QTMAN: variants seen among roughly 807,000 people sequenced by gnomAD.
The protein encoded by QTMAN is queuosine-tRNA mannosyltransferase.
At chr2:144,253,124 T>C in the QTMAN span, among the ~76,000 whole-genome samples, 2 of 152,162 alleles carry the variant, frequency 1.3e-5, no homozygotes, top group African/African-American at 4.8e-5. Flanking sequence ...AATGGTTTTA[T>C]AAGGAGCTTT....
the QTMAN span, among the ~76,000 whole-genome samples, chr2:144,301,506 AG>A: frequency 6.6e-6 from 1 of 152,218 alleles, no homozygotes. Flanking sequence ...TACAGGCATG[AG>A]CCACCGCACC....
At chr2:144,008,667 C>A in the QTMAN span, among the ~76,000 whole-genome samples, 1 of 151,746 alleles carries the variant, frequency 6.6e-6, no homozygotes, top group African/African-American at 2.4e-5. Context: ...AAAAGAAAAA[C>A]CATGGAAGGA....
chr2:144,078,831 C>T, the QTMAN span, among the ~76,000 whole-genome samples: 5 of 152,114 alleles, frequency 3.3e-5, no homozygotes, highest in African/African-American at 7.2e-5. Context: ...CAGGCTGTCT[C>T]TGCAAACCAA....
the QTMAN span, among the ~76,000 whole-genome samples, chr2:144,046,953 G>A: frequency 2.6e-5 from 4 of 152,150 alleles, no homozygotes; most frequent in Admixed American, 2.0e-4. Context: ...GAACACTAAA[G>A]TGGCTTTCTG....
At chr2:144,208,849 G>T in the QTMAN span, 3 of 1,104,512 alleles carry the variant, frequency 2.7e-6, no homozygotes, top group Non-Finnish European at 3.8e-6. Flanking sequence ...TTACATACAT[G>T]TATAAAATTT....
the QTMAN span, among the ~76,000 whole-genome samples, chr2:144,015,213 T>G: frequency 6.6e-6 from 1 of 152,098 alleles, no homozygotes; most frequent in Non-Finnish European, 1.5e-5. Flanking sequence ...GTACACTCAC[T>G]TCTCACGATC....
the QTMAN span, among the ~76,000 whole-genome samples, chr2:144,133,262 TATAA>T: frequency 2.8e-5 from 2 of 70,336 alleles, no homozygotes; most frequent in South Asian, 3.3e-4. Context: ...TATAAATATA[TATAA>T]ATATATATTT....
At chr2:144,204,619 T>C in the QTMAN span, among the ~76,000 whole-genome samples, 1 of 152,142 alleles carries the variant, frequency 6.6e-6, no homozygotes, top group African/African-American at 2.4e-5. Context: ...GAAATACCAT[T>C]TGACCCAGCC....
chr2:144,262,603 G>A, the QTMAN span, among the ~76,000 whole-genome samples: 2 of 131,652 alleles, frequency 1.5e-5, no homozygotes, highest in Non-Finnish European at 3.3e-5. Flanking sequence ...GGAGAGAGGA[G>A]GGGAGGGGAG....
the QTMAN span, among the ~76,000 whole-genome samples, chr2:144,253,055 G>C: frequency 6.6e-6 from 1 of 152,154 alleles, no homozygotes; most frequent in African/African-American, 2.4e-5. Flanking sequence ...GGAGGTAATT[G>C]AATCATGGGA....
the QTMAN span, among the ~76,000 whole-genome samples, chr2:143,989,926 T>C: frequency 6.6e-6 from 1 of 152,164 alleles, no homozygotes; most frequent in East Asian, 1.9e-4. Context: ...GTGAATCTAT[T>C]ATCCCTGAAT....
At chr2:144,070,981 G>C in the QTMAN span, among the ~76,000 whole-genome samples, 1 of 152,082 alleles carries the variant, frequency 6.6e-6, no homozygotes, top group South Asian at 2.1e-4. Flanking sequence ...TAATTAAGAG[G>C]TAGTCATGAT....
chr2:144,289,091 TG>T, the QTMAN span, among the ~76,000 whole-genome samples: 1 of 145,448 alleles, frequency 6.9e-6, no homozygotes, highest in South Asian at 2.2e-4. Flanking sequence ...TGGAGCGCAG[TG>T]GTGCGATCTC....
chr2:144,150,758 T>C, the QTMAN span, among the ~76,000 whole-genome samples: 1 of 152,086 alleles, frequency 6.6e-6, no homozygotes, highest in Non-Finnish European at 1.5e-5. Context: ...CTTCTGAGAA[T>C]TAGAAAATAC....
At chr2:144,103,560 G>C in the QTMAN span, among the ~76,000 whole-genome samples, 1 of 152,072 alleles carries the variant, frequency 6.6e-6, no homozygotes, top group Non-Finnish European at 1.5e-5. Context: ...GTTAGTGAGG[G>C]CTACAGTAAT....
At chr2:144,274,023 A>G in the QTMAN span, among the ~76,000 whole-genome samples, 1 of 152,088 alleles carries the variant, frequency 6.6e-6, no homozygotes, top group Non-Finnish European at 1.5e-5. Flanking sequence ...AGACCTAGCT[A>G]CTCAGGAGGC....
chr2:144,227,415 C>A, the QTMAN span, among the ~76,000 whole-genome samples: 3 of 152,034 alleles, frequency 2.0e-5, no homozygotes, highest in Admixed American at 6.6e-5. Context: ...CACTGATGTC[C>A]CCTTAGCAAT....
chr2:144,094,180 A>G, the QTMAN span, among the ~76,000 whole-genome samples: 1 of 152,248 alleles, frequency 6.6e-6, no homozygotes, highest in Admixed American at 6.5e-5. Flanking sequence ...TTCAAAAAAC[A>G]GATTAAGAAA....
the QTMAN span, among the ~76,000 whole-genome samples, chr2:144,198,792 T>C: frequency 1.3e-5 from 2 of 152,180 alleles, no homozygotes; most frequent in Non-Finnish European, 2.9e-5. Context: ...TAAGAATGCA[T>C]ATGAACTAGA....
Sources: allele counts gnomAD v4.1 joint callset (sites outside exome capture counted in the v4.1 genomes callset), GRCh38; gene constraint gnomAD v4.1.1; transcripts MANE v1.5; gene names NCBI Gene and HGNC (gene_info 2026-07-23, HGNC 2026-07-21).